SGCZ: variants seen among roughly 807,000 people sequenced by gnomAD.
SGCZ encodes the protein sarcoglycan zeta, also known as zeta-sarcoglycan.
In SGCZ, 40 loss-of-function variants were observed where a neutral mutation model predicts 41.3. The observed-to-expected ratio is 0.97, with a 90% CI of 0.75 to 1.26. SGCZ has a LOEUF of 1.26. Among genes scored for constraint, SGCZ ranks in the 50% most tolerant of loss-of-function variants. SGCZ has a pLI of 0.00. For synonymous variants in SGCZ, 206 were observed against 137.5 expected, an observed-to-expected ratio of 1.50 and a Z score of -3.49; for missense variants, 552 against 369.8, an observed-to-expected ratio of 1.49 and a Z score of -4.04.
At chr8:15,218,811 C>A (rs1377791911) in intron 1 of SGCZ, among the ~76,000 whole-genome samples, 1 of 152,182 alleles carries the variant, frequency 6.6e-6, no homozygotes, top group African/African-American at 2.4e-5. Context: ...TACAGTCTCA[C>A]AATCTATATG....
At position 14,454,613 on chromosome 8, in the gene SGCZ, G is replaced by T. The variant is rs912281024; in HGVS notation, c.234+100119C>A. ...CAAAAACACTGTAAAAGAAATATGT[G>T]AAGGAAAATTTGCCCTAAAAGGTAA... On this transcript the variant is annotated intron_variant, in intron 2 of 7. Transcript: ENST00000382080. Among the ~76,000 whole-genome samples the T allele has an allele frequency of 3.3e-5, 5 of 152,124 alleles. No individual in the cohort carries two copies. The South Asian group carries it at 1.0e-3, about 32-fold the overall frequency.
intron 1 of SGCZ, among the ~76,000 whole-genome samples, chr8:14,699,176 T>C (rs1809057985): frequency 6.6e-6 from 1 of 150,606 alleles, no homozygotes; most frequent in Admixed American, 6.6e-5. Flanking sequence ...AATATGTATA[T>C]ACACACACAT....
intron 2 of SGCZ, among the ~76,000 whole-genome samples, chr8:14,404,365 C>T (rs1039358559): frequency 4.6e-5 from 7 of 152,060 alleles, no homozygotes; most frequent in Non-Finnish European, 8.8e-5. Flanking sequence ...AGTGTAAATG[C>T]AACATGTCCT....
At chr8:14,237,829 C>T (rs1464441781) in intron 3 of SGCZ, 150 bp from the exon 4 acceptor site, 9 of 615,292 alleles carry the variant, frequency 1.5e-5, no homozygotes, top group Admixed American at 9.0e-5. Context: ...CATTGGTGGA[C>T]AATGTACAAA....
intron 1 of SGCZ, among the ~76,000 whole-genome samples, chr8:14,792,852 C>T (rs901982531): frequency 6.6e-6 from 1 of 152,048 alleles, no homozygotes; most frequent in Non-Finnish European, 1.5e-5. Flanking sequence ...TAGGGCCTTG[C>T]TCCCAGCCTT....
chr8:15,184,859 C>T (rs1401880793), intron 1 of SGCZ, among the ~76,000 whole-genome samples: 1 of 152,138 alleles, frequency 6.6e-6, no homozygotes, highest in Non-Finnish European at 1.5e-5. Context: ...AAACATTCAT[C>T]ACGCGTTCCC....
At chr8:14,549,057 T>C (rs957268577) in intron 2 of SGCZ, among the ~76,000 whole-genome samples, 2 of 152,084 alleles carry the variant, frequency 1.3e-5, no homozygotes, top group African/African-American at 2.4e-5. Flanking sequence ...AATTTACCAG[T>C]TAATTGCCGG....
chr8:14,988,369 T>C (rs1242403403), intron 1 of SGCZ, among the ~76,000 whole-genome samples: 1 of 152,048 alleles, frequency 6.6e-6, no homozygotes, highest in Non-Finnish European at 1.5e-5. Context: ...TACTATACTT[T>C]TTAAAGTCAA....
chr8:14,204,279 T>C (rs1014618585), intron 4 of SGCZ, among the ~76,000 whole-genome samples: 4 of 73,258 alleles, frequency 5.5e-5, no homozygotes, highest in South Asian at 6.6e-4. Context: ...TCACTCTGAA[T>C]GTTTTTTTTT....
chr8:15,032,852 C>T (rs1037660657), intron 1 of SGCZ, among the ~76,000 whole-genome samples: 2 of 152,144 alleles, frequency 1.3e-5, no homozygotes, highest in African/African-American at 4.8e-5. Flanking sequence ...TCTGTGGATA[C>T]AGGCTCAAAG....
chr8:14,584,678 T>A, intron 1 of SGCZ, among the ~76,000 whole-genome samples: 1 of 152,118 alleles, frequency 6.6e-6, no homozygotes, highest in Non-Finnish European at 1.5e-5. Context: ...TTAATTTTTT[T>A]ATTCATAGTA....
chr8:14,448,440 T>G (rs903388777), intron 2 of SGCZ, among the ~76,000 whole-genome samples: 1 of 152,178 alleles, frequency 6.6e-6, no homozygotes, highest in Non-Finnish European at 1.5e-5. Context: ...CTGCACAGAA[T>G]CCTGGACTAT....
chr8:14,164,189 C>G (rs974738078), intron 5 of SGCZ, among the ~76,000 whole-genome samples: 1 of 151,800 alleles, frequency 6.6e-6, no homozygotes, highest in Non-Finnish European at 1.5e-5. Flanking sequence ...TTATAACTTC[C>G]CCCTTACTTA....
At position 14,674,056 on chromosome 8, in the gene SGCZ, A is replaced by C. The variant is rs866686732; in HGVS notation, c.40-119130T>G. The stretch of plus-strand genomic sequence containing the variant: ...ATTTGGAGATGAAGTTCGATGAATA[A>C]ATTTATATATTTTTATTTTTTTAGA... On this transcript the variant is annotated intron_variant, in intron 1 of 7. Transcript: ENST00000382080. Among the ~76,000 whole-genome samples, 15 of 152,300 alleles carry C rather than the reference A, an allele frequency of 9.8e-5. 1 individual carries two copies. The highest frequency in any genetic ancestry group is 3.6e-4 in the African/African-American group (15 of 41,586).
chr8:14,522,229 T>A (rs1402190918), intron 2 of SGCZ, among the ~76,000 whole-genome samples: 1 of 152,034 alleles, frequency 6.6e-6, no homozygotes, highest in African/African-American at 2.4e-5. Context: ...GTAGTTTTAG[T>A]TTTTGGCGCT....
intron 4 of SGCZ, among the ~76,000 whole-genome samples, chr8:14,171,760 A>G (rs1030316371): frequency 7.9e-6 from 1 of 126,798 alleles, no homozygotes; most frequent in African/African-American, 2.4e-5. Context: ...TAATAAGGAT[A>G]TCTAAGCTAT....
At chr8:14,422,988 A>G (rs1272792637) in intron 2 of SGCZ, among the ~76,000 whole-genome samples, 2 of 152,170 alleles carry the variant, frequency 1.3e-5, no homozygotes, top group Admixed American at 6.6e-5. Context: ...TGATCATGCC[A>G]TTGTACTCCA....
At chr8:14,570,598 A>T (rs1479313368) in intron 1 of SGCZ, among the ~76,000 whole-genome samples, 1 of 152,198 alleles carries the variant, frequency 6.6e-6, no homozygotes, top group African/African-American at 2.4e-5. Flanking sequence ...AAGAAAAATT[A>T]TGTAATATTT....
intron 1 of SGCZ, among the ~76,000 whole-genome samples, chr8:15,148,521 T>C (rs556924151): frequency 6.6e-6 from 1 of 152,226 alleles, no homozygotes; most frequent in Admixed American, 6.5e-5. Flanking sequence ...TCCGGAGTCA[T>C]AGGAATTGCA....
Sources: gnomAD v4.1 joint callset for allele counts (sites outside exome capture counted in the v4.1 genomes callset) on GRCh38, gnomAD v4.1.1 for gene constraint, MANE v1.5 for transcripts, NCBI Gene and HGNC (gene_info 2026-07-23, HGNC 2026-07-21) for gene names.